The following ZFAND3 variants were observed in gnomAD, a reference collection of about 807,000 sequenced individuals.
The protein encoded by ZFAND3 is zinc finger AN1-type containing 3, also known as AN1-type zinc finger protein 3.
Under a neutral mutation model 29.6 loss-of-function variants are expected in ZFAND3, and 10 were observed. The ratio of observed to expected loss-of-function variants is 0.34; its 90% CI spans 0.21 to 0.57. ZFAND3 has a LOEUF of 0.57. Among genes scored for constraint, ZFAND3 ranks in the 20% least tolerant of loss-of-function variants. The pLI, the probability that ZFAND3 is intolerant of heterozygous loss-of-function variation, is 0.86. For synonymous variants in ZFAND3, 128 were observed against 112.6 expected, an observed-to-expected ratio of 1.14 and a Z score of -0.87; for missense variants, 230 against 304.5, an observed-to-expected ratio of 0.76 and a Z score of 1.82.
intron 5 of ZFAND3, 83 bp from the exon 6 acceptor site, chr6:38,152,152 T>C (rs745352683): frequency 3.0e-5 from 40 of 1,334,126 alleles, no homozygotes; most frequent in Non-Finnish European, 3.9e-5. Context: ...CCCTCCATCC[T>C]CTGGACAAAG....
At chr6:37,933,600 A>G (rs550065058) in intron 2 of ZFAND3, among the ~76,000 whole-genome samples, 16 of 152,352 alleles carry the variant, frequency 1.1e-4, no homozygotes, top group South Asian at 1.0e-3. Context: ...CTGGTAAACT[A>G]TATACCAAAT....
At chr6:38,136,699 G>A (rs1239266506) in intron 5 of ZFAND3, among the ~76,000 whole-genome samples, 1 of 152,194 alleles carries the variant, frequency 6.6e-6, no homozygotes, top group Non-Finnish European at 1.5e-5. Context: ...TGTGCCTTGA[G>A]GACTGTAAGG....
rs74800434 is a variant in ZFAND3 at position 37,946,422 on chromosome 6, C to T, written c.112+16423C>T. On this transcript the variant is annotated intron_variant, in intron 2 of 5. Transcript: ENST00000287218. ...GAAGCCCTTCCCTATAGGCCTTTGT[C>T]GCACAGCTCAAAAGAGCAACAACCT... Among the ~76,000 whole-genome samples the T allele has an allele frequency of 7.5e-3, 1,146 of 152,242 alleles. 12 individuals are homozygous for T. The highest frequency in any genetic ancestry group is 0.026 in the African/African-American group (1,088 of 41,520).
At chr6:37,845,704 T>C (rs781763064) in intron 1 of ZFAND3, among the ~76,000 whole-genome samples, 2 of 152,230 alleles carry the variant, frequency 1.3e-5, no homozygotes, top group African/African-American at 2.4e-5. Flanking sequence ...TAGGCTGGAC[T>C]TGTCCCTTCC....
At chr6:37,903,484 C>T (rs542942516) in intron 1 of ZFAND3, among the ~76,000 whole-genome samples, 2 of 152,306 alleles carry the variant, frequency 1.3e-5, no homozygotes, top group South Asian at 2.1e-4. Flanking sequence ...ACTGTCAAAG[C>T]GTCTCCTATC....
At chr6:37,932,175 G>A (rs1462351526) in intron 2 of ZFAND3, among the ~76,000 whole-genome samples, 4 of 151,844 alleles carry the variant, frequency 2.6e-5, no homozygotes, top group Non-Finnish European at 5.9e-5. Flanking sequence ...AGGCTGAGGC[G>A]GGAGAATCGC....
chr6:37,926,697 C>T (rs1198672988), intron 1 of ZFAND3, among the ~76,000 whole-genome samples: 1 of 152,168 alleles, frequency 6.6e-6, no homozygotes, highest in Non-Finnish European at 1.5e-5. Context: ...GTTTTAGAAA[C>T]GTGGTACCCA....
intron 2 of ZFAND3, among the ~76,000 whole-genome samples, chr6:37,997,021 A>C (rs55943813): frequency 6.6e-6 from 1 of 152,042 alleles, no homozygotes; most frequent in Non-Finnish European, 1.5e-5. Flanking sequence ...AGTCACATGT[A>C]CTCTAGAACT....
intron 1 of ZFAND3, among the ~76,000 whole-genome samples, chr6:37,857,608 A>G (rs957995593): frequency 6.6e-6 from 1 of 152,220 alleles, no homozygotes; most frequent in Non-Finnish European, 1.5e-5. Flanking sequence ...GGGTTTGTAG[A>G]GTAAAGGAGT....
intron 2 of ZFAND3, among the ~76,000 whole-genome samples, chr6:38,034,421 A>C (rs1354236753): frequency 6.6e-6 from 1 of 152,204 alleles, no homozygotes; most frequent in African/African-American, 2.4e-5. Flanking sequence ...ACCCTTTGAT[A>C]GTTATTTTAT....
At chr6:37,945,058 G>C in intron 2 of ZFAND3, among the ~76,000 whole-genome samples, 1 of 152,304 alleles carries the variant, frequency 6.6e-6, no homozygotes. Context: ...AACTGTCTTG[G>C]CATTGGTGGG....
At chr6:37,844,612 TAGGCTATTGGTGTGGTGAA>T in intron 1 of ZFAND3, among the ~76,000 whole-genome samples, 1 of 152,208 alleles carries the variant, frequency 6.6e-6, no homozygotes, top group East Asian at 1.9e-4. Context: ...AAACAGTGTT[TAGGCTATTGGTGTGGTGAA>T]AGGCCTGAAA....
intron 1 of ZFAND3, among the ~76,000 whole-genome samples, chr6:37,841,639 T>G (rs995461953): frequency 2.6e-5 from 4 of 152,078 alleles, no homozygotes; most frequent in Non-Finnish European, 5.9e-5. Context: ...CCTGCCACCA[T>G]GCCCGGCTAA....
intron 2 of ZFAND3, among the ~76,000 whole-genome samples, chr6:38,052,038 T>C (rs1764037629): frequency 6.6e-6 from 1 of 152,210 alleles, no homozygotes; most frequent in Admixed American, 6.5e-5. Context: ...GTGTGAAGAA[T>C]CTAGAGAATG....
At chr6:38,075,543 G>C (rs1429335271) in intron 3 of ZFAND3, among the ~76,000 whole-genome samples, 1 of 152,160 alleles carries the variant, frequency 6.6e-6, no homozygotes, top group Non-Finnish European at 1.5e-5. Flanking sequence ...TCTTGAGATG[G>C]AATCTACTCC....
intron 4 of ZFAND3, among the ~76,000 whole-genome samples, chr6:38,083,490 G>T (rs1764703596): frequency 3.9e-5 from 6 of 152,100 alleles, no homozygotes; most frequent in Admixed American, 3.3e-4. Context: ...GAAAAGAGCT[G>T]TGCCTGAAGT....
intron 2 of ZFAND3, among the ~76,000 whole-genome samples, chr6:38,024,214 T>G (rs1385251054): frequency 6.6e-6 from 1 of 152,144 alleles, no homozygotes; most frequent in Non-Finnish European, 1.5e-5. Context: ...GGCTCACGTC[T>G]GTAATCCCAG....
chr6:38,035,463 A>G (rs114354394), intron 2 of ZFAND3, among the ~76,000 whole-genome samples: 138 of 152,306 alleles, frequency 9.1e-4, no homozygotes, highest in Non-Finnish European at 1.4e-3. Flanking sequence ...GAAAGTCTTA[A>G]AAATAATCCT....
chr6:37,908,859 C>T (rs1044772670), intron 1 of ZFAND3, among the ~76,000 whole-genome samples: 5 of 152,016 alleles, frequency 3.3e-5, no homozygotes, highest in East Asian at 1.9e-4. Flanking sequence ...ACTTTGAAAC[C>T]GTATGGGATC....
Sources: allele counts gnomAD v4.1 joint callset (sites outside exome capture counted in the v4.1 genomes callset), GRCh38; gene constraint gnomAD v4.1.1; transcripts MANE v1.5; gene names NCBI Gene and HGNC (gene_info 2026-07-23, HGNC 2026-07-21).